DDX46: variants seen among roughly 807,000 people sequenced by gnomAD.
DDX46 encodes the protein probable ATP-dependent RNA helicase DDX46.
DDX46 carries 30 observed loss-of-function variants against 134.9 expected under a neutral mutation model. The ratio of observed to expected loss-of-function variants is 0.22; its 90% CI spans 0.17 to 0.30. The LOEUF (loss-of-function observed/expected upper bound fraction) is 0.30. DDX46 is among the 10% of genes least tolerant of loss of function. The pLI, the probability that DDX46 is intolerant of heterozygous loss-of-function variation, is 1.00. For synonymous variants in DDX46, 415 were observed against 404.1 expected, an observed-to-expected ratio of 1.03 and a Z score of -0.32; for missense variants, 622 against 1,248.7, an observed-to-expected ratio of 0.50 and a Z score of 7.56.
intron 18 of DDX46, 58 bp downstream of exon 18, chr5:134,811,903 G>T: frequency 1.3e-6 from 2 of 1,565,614 alleles, no homozygotes; most frequent in Non-Finnish European, 1.7e-6. Flanking sequence ...TGTACTGGAG[G>T]TCTTGCCATA....
intron 1 of DDX46, among the ~76,000 whole-genome samples, chr5:134,762,901 A>G (rs541920256): frequency 2.2e-4 from 34 of 151,848 alleles, no homozygotes; most frequent in African/African-American, 8.2e-4. Context: ...CTAAAAATGC[A>G]AAAAAAATTT....
At chr5:134,783,339 G>T (rs917122278) in intron 9 of DDX46, among the ~76,000 whole-genome samples, 2 of 150,006 alleles carry the variant, frequency 1.3e-5, no homozygotes, top group African/African-American at 4.9e-5. Context: ...CTGTGACCTC[G>T]GCCTCCCGGG....
intron 1 of DDX46, 121 bp downstream of exon 1, chr5:134,759,076 C>T: frequency 1.4e-6 from 2 of 1,462,368 alleles, no homozygotes; most frequent in Admixed American, 4.3e-5. Context: ...TCAGCGCTGC[C>T]CCGCGAGCAT....
At chr5:134,823,348 C>A (rs920868251) in intron 21 of DDX46, among the ~76,000 whole-genome samples, 1 of 151,702 alleles carries the variant, frequency 6.6e-6, no homozygotes, top group African/African-American at 2.4e-5. Flanking sequence ...CCATTGTTGG[C>A]CAGGATGGTC....
chr5:134,827,108 C>T, intron 22 of DDX46, 88 bp downstream of exon 22: 3 of 1,309,386 alleles, frequency 2.3e-6, no homozygotes, highest in Non-Finnish European at 3.1e-6. Flanking sequence ...AAATCATAAA[C>T]ATATAGTTTG....
chr5:134,807,168 C>T (rs1022564304), intron 15 of DDX46, among the ~76,000 whole-genome samples: 7 of 145,794 alleles, frequency 4.8e-5, no homozygotes, highest in African/African-American at 1.5e-4. Context: ...TGTGCCACCA[C>T]GCCTGGCTTT....
At position 134,785,646 on chromosome 5, in the gene DDX46, A is replaced by G. The variant is rs940774347; in HGVS notation, c.1464+60A>G. 2.6e-6 allele frequency: 4 copies of G among 1,533,206 alleles called. No individual in the cohort carries two copies. In the Admixed American group the frequency reaches 6.6e-5, roughly 25 times the overall value. The allele number at this position is 1,533,206 out of a possible 1,614,324, so 95.0% of individuals were successfully genotyped here. ...TTTTCTCAAGTTGGATGATTCAATA[A>G]AGTAAAAGTGACTTTTACTTTTAGT... On this transcript the variant is annotated intron_variant, in intron 11 of 22. Transcript: ENST00000452510.
rs1416090000 is a variant in DDX46 at position 134,830,235 on chromosome 5, T to G, written c.*1529T>G. The G allele has an allele frequency of 6.6e-6, 1 of 151,972 alleles. No homozygotes were observed. The highest frequency in any genetic ancestry group is 1.5e-5 in the Non-Finnish European group (1 of 67,984). The allele number at this position is 151,972 out of a possible 1,614,324, so 9.4% of individuals were successfully genotyped here. A position where few individuals can be genotyped will look rare whatever the true frequency, so the allele number is the denominator to read the frequency against. ...AATACAGTTTAACAGCTGTAAAAGT[T>G]TTACTATAACATTTACATTGTGTTA... On this transcript the variant is annotated 3_prime_UTR_variant, in exon 23 of 23. Transcript: ENST00000452510.
chr5:134,815,590 C>A (rs1175373025), intron 18 of DDX46, among the ~76,000 whole-genome samples: 2 of 150,878 alleles, frequency 1.3e-5, no homozygotes, highest in Non-Finnish European at 2.9e-5. Context: ...ACCTGTAGTC[C>A]CAGCTACTCA....
chr5:134,825,428 T>C (rs1397739430), intron 21 of DDX46, among the ~76,000 whole-genome samples: 2 of 152,166 alleles, frequency 1.3e-5, no homozygotes, highest in African/African-American at 4.8e-5. Context: ...CTTCCTGTTG[T>C]GCAACTGTTT....
At position 134,791,517 on chromosome 5, in the gene DDX46, C is replaced by T. The variant is rs531959303; in HGVS notation, c.1626+965C>T. ...CGGAGCTTGCAGTGAGCTGAGATCA[C>T]GCTGTTGCACTCCAGCCTGGGAGAC... On this transcript the variant is annotated intron_variant, in intron 13 of 22. Transcript: ENST00000452510. Among the ~76,000 whole-genome samples, 9 of 151,224 alleles carry T rather than the reference C, an allele frequency of 6.0e-5. No homozygotes were observed. The South Asian group carries it at 8.3e-4, about 14-fold the overall frequency.
At chr5:134,805,613 C>G (rs1392129274) in intron 15 of DDX46, among the ~76,000 whole-genome samples, 1 of 151,406 alleles carries the variant, frequency 6.6e-6, no homozygotes, top group Non-Finnish European at 1.5e-5. Context: ...ACGGCAATTT[C>G]CACCTCCCAG....
intron 5 of DDX46, among the ~76,000 whole-genome samples, chr5:134,776,411 C>T (rs908578603): frequency 2.0e-5 from 3 of 151,284 alleles, no homozygotes; most frequent in Non-Finnish European, 2.9e-5. Context: ...AAAAGAATTA[C>T]GAGAAAGCAA....
intron 5 of DDX46, among the ~76,000 whole-genome samples, chr5:134,775,473 G>A (rs1339784189): frequency 6.6e-6 from 1 of 151,520 alleles, no homozygotes; most frequent in Non-Finnish European, 1.5e-5. Flanking sequence ...GTGCAGTGCC[G>A]TGATCTCGGC....
At chr5:134,773,913 T>G in intron 5 of DDX46, 52 bp downstream of exon 5, 1 of 1,418,948 alleles carries the variant, frequency 7.0e-7, no homozygotes, top group Non-Finnish European at 9.4e-7. Flanking sequence ...GAATATTATA[T>G]GAATAATATT....
rs776494776 is a variant in DDX46 at position 134,773,648 on chromosome 5, T to C, written c.448-48T>C. The C allele has an allele frequency of 3.3e-6, 5 of 1,529,556 alleles. No individual in the cohort carries two copies. The East Asian group carries it at 1.2e-4, about 35-fold the overall frequency. 94.7% of individuals were successfully genotyped at this position (1,529,556 alleles called of 1,614,324 possible). A position where few individuals can be genotyped will look rare whatever the true frequency, so the allele number is the denominator to read the frequency against. ...TTGGAGCAAAATTATTAAATTTGGT[T>C]TTGCTTTTTATTTTCCCCCATCTCT... is the stretch of plus-strand genomic sequence containing the variant. On this transcript the variant is annotated intron_variant, in intron 4 of 22. Transcript: ENST00000452510.
intron 19 of DDX46, 78 bp from the exon 20 acceptor site, chr5:134,817,418 A>C: frequency 7.2e-7 from 1 of 1,393,998 alleles, no homozygotes; most frequent in Non-Finnish European, 9.7e-7. Flanking sequence ...GTAGCTTTTC[A>C]GAGAATAATT....
intron 15 of DDX46, chr5:134,797,133 C>T (rs1754678755): frequency 4.6e-6 from 1 of 215,520 alleles, no homozygotes; most frequent in African/African-American, 2.9e-5. Flanking sequence ...CACCATTGCA[C>T]TCCAGCCTGG....
At chr5:134,776,683 G>A (rs941649017) in intron 5 of DDX46, among the ~76,000 whole-genome samples, 1 of 152,108 alleles carries the variant, frequency 6.6e-6, no homozygotes, top group African/African-American at 2.4e-5. Context: ...TTGGGAGGCT[G>A]AGGTGGGTGG....
Sources: gnomAD v4.1 joint callset for allele counts (sites outside exome capture counted in the v4.1 genomes callset) on GRCh38, gnomAD v4.1.1 for gene constraint, MANE v1.5 for transcripts, NCBI Gene and HGNC (gene_info 2026-07-23, HGNC 2026-07-21) for gene names.